Variants in PTPRN2 observed in about 807,000 individuals in gnomAD.
PTPRN2 encodes receptor-type tyrosine-protein phosphatase N2.
A neutral mutation model predicts 118.8 loss-of-function variants in PTPRN2; 74 were observed. The ratio of observed to expected loss-of-function variants is 0.62; its 90% CI spans 0.52 to 0.76. PTPRN2 has a LOEUF of 0.76. PTPRN2 is among the 30% of genes least tolerant of loss of function. The probability of loss-of-function intolerance (pLI) is 0.00; values close to 1 mark genes in which losing one functional copy is unlikely to be tolerated. For missense variants in PTPRN2, 1,481 were observed against 1,394.4 expected (o/e 1.06, Z -0.99); for synonymous variants, 641 against 608.0 (o/e 1.05, Z -0.80).
rs1018578073 is a variant in PTPRN2, at chr7:157,578,084, G to A, written c.2553C>T (p.Asn851=). The change falls in exon 18 of 23, where the codon AAC becomes AAT. Residue 851 remains asparagine (N), a synonymous_variant. Coordinates refer to ENST00000389418, the MANE Select transcript of PTPRN2 (RefSeq NM_002847.5). ...VIVMLTPLAE[N]GVRQCYHYWP... is the part of the protein sequence containing the mutation. ...AGTAGTGGTAGCACTGCCGGACGCCGTTCTCCGCGAGGGGTGTCAGCATGA... is the reference window on the plus strand; with the variant it reads ...AGTAGTGGTAGCACTGCCGGACGCCATTCTCCGCGAGGGGTGTCAGCATGA... 6.2e-7 allele frequency: 1 copy of A among 1,613,486 alleles called. No individual in the cohort carries two copies. Among genetic ancestry groups the A allele is most frequent in the Non-Finnish European group, 8.5e-7 (1 of 1,179,742 alleles).
intron 12 of PTPRN2, among the ~76,000 whole-genome samples, chr7:157,694,617 T>G (rs554504487): frequency 1.3e-5 from 2 of 152,370 alleles, no homozygotes; most frequent in Admixed American, 6.5e-5. Context: ...CATTCTATTT[T>G]TCTTTATTTT....
intron 12 of PTPRN2, among the ~76,000 whole-genome samples, chr7:157,822,291 C>A (rs1432871524): frequency 2.0e-5 from 3 of 151,658 alleles, no homozygotes; most frequent in Non-Finnish European, 1.5e-5. Flanking sequence ...ACTCATGCAT[C>A]CATCCACCCA....
At position 157,861,146 on chromosome 7, in the gene PTPRN2, G is replaced by A. The variant is rs1487930303; in HGVS notation, c.1788+37527C>T. Among the ~76,000 whole-genome samples the A allele has an allele frequency of 5.9e-5, 9 of 152,212 alleles. No homozygotes were observed. In the South Asian group the frequency reaches 1.9e-3, roughly 31 times the overall value. On this transcript the variant is annotated intron_variant, in intron 12 of 22. Transcript: ENST00000389418. This position sits in a 1 kb window ranked among gnomAD's most constrained non-coding sequence, Gnocchi z 5.8. ...TTGGGATGTCGGCAGAGGCACGCAT[G>A]CCTCCAGGGATGTGCCAGCTCAGGG...
chr7:158,466,774 C>T (rs926323225), intron 2 of PTPRN2, among the ~76,000 whole-genome samples: 29 of 152,200 alleles, frequency 1.9e-4, no homozygotes, highest in African/African-American at 7.0e-4. Flanking sequence ...GGTGCAGTGG[C>T]TCACGCCTGT....
intron 6 of PTPRN2, among the ~76,000 whole-genome samples, chr7:158,147,775 T>A (rs1237257555): frequency 1.1e-5 from 1 of 90,718 alleles, no homozygotes; most frequent in African/African-American, 5.7e-5. Context: ...TCACGCCACG[T>A]GTTATTCCCC....
At chr7:158,536,202 G>A (rs895765126) in intron 1 of PTPRN2, among the ~76,000 whole-genome samples, 4 of 152,136 alleles carry the variant, frequency 2.6e-5, no homozygotes, top group African/African-American at 9.7e-5. Context: ...TTTAAATTTT[G>A]CTGAAAATCA....
At chr7:158,335,671 A>T (rs1284987550) in intron 2 of PTPRN2, among the ~76,000 whole-genome samples, 1 of 15,524 alleles carries the variant, frequency 6.4e-5, no homozygotes, top group African/African-American at 1.9e-4. Context: ...AAGAGGTGAC[A>T]CATGCAAACG....
chr7:157,573,219 ATG>A (rs1485019203), intron 19 of PTPRN2, among the ~76,000 whole-genome samples: 2 of 152,268 alleles, frequency 1.3e-5, no homozygotes, highest in Non-Finnish European at 2.9e-5. Flanking sequence ...GACTGCACGC[ATG>A]TGTGTGACGT....
chr7:157,548,641 T>C (rs1216457505), intron 22 of PTPRN2, among the ~76,000 whole-genome samples: 1 of 152,142 alleles, frequency 6.6e-6, no homozygotes, highest in Non-Finnish European at 1.5e-5. Flanking sequence ...CGTCAACCTC[T>C]TTCTACAAAA....
rs1802360901 is a variant in PTPRN2 at position 157,611,825 on chromosome 7, A to G, written c.2345-7750T>C. Among the ~76,000 whole-genome samples, 1 of 147,216 alleles carries G rather than the reference A, an allele frequency of 6.8e-6. No individual in the cohort carries two copies. The highest frequency in any genetic ancestry group is 6.7e-5 in the Admixed American group (1 of 14,962). On this transcript the variant is annotated intron_variant, in intron 15 of 22. Coordinates refer to ENST00000389418, the MANE Select transcript of PTPRN2 (RefSeq NM_002847.5). This position sits in a 1 kb window ranked among gnomAD's most constrained non-coding sequence, Gnocchi z 5.9. Reference sequence around the variant, plus strand: ...AGAGCGCCCGTGTGAAGACGAAGACAGCCGCAGTCATGCTGGGGACACGCG... The same window carrying G: ...AGAGCGCCCGTGTGAAGACGAAGACGGCCGCAGTCATGCTGGGGACACGCG...
In PTPRN2 at chr7:157,933,045, G is replaced by A. The variant is rs117375918; in HGVS notation, c.1724-34308C>T. ...CATCCTGATTGACAGTTTTAGTGGC[G>A]GGGTGAGTCAGTCTGACTGGCATTT... is the stretch of plus-strand genomic sequence containing the variant. On this transcript the variant is annotated intron_variant, in intron 11 of 22. Coordinates refer to ENST00000389418, the MANE Select transcript of PTPRN2 (RefSeq NM_002847.5). Among the ~76,000 whole-genome samples, 1,459 of 149,456 alleles carry A rather than the reference G, an allele frequency of 9.8e-3. 11 individuals are homozygous for A. Among genetic ancestry groups the A allele is most frequent in the Non-Finnish European group, 0.016 (1,109 of 67,472 alleles).
chr7:158,405,537 A>C (rs1813338000), intron 2 of PTPRN2, among the ~76,000 whole-genome samples: 1 of 152,340 alleles, frequency 6.6e-6, no homozygotes, highest in Admixed American at 6.5e-5. Context: ...AACAACAAAC[A>C]AAGCCTCCGC....
At chr7:158,012,198 C>T (rs979551539) in intron 11 of PTPRN2, among the ~76,000 whole-genome samples, 2 of 152,134 alleles carry the variant, frequency 1.3e-5, no homozygotes, top group African/African-American at 4.8e-5. Context: ...CTGACACGTG[C>T]CTTTCGGAAG....
At chr7:158,082,190 T>A (rs146024434) in intron 10 of PTPRN2, among the ~76,000 whole-genome samples, 2 of 152,290 alleles carry the variant, frequency 1.3e-5, no homozygotes, top group Non-Finnish European at 2.9e-5. Context: ...CAGCTAAGAC[T>A]GTTGCTTCCT....
chr7:158,188,900 C>T (rs904797443), intron 5 of PTPRN2, among the ~76,000 whole-genome samples: 10 of 152,146 alleles, frequency 6.6e-5, no homozygotes, highest in Non-Finnish European at 2.9e-5. Context: ...GACGAGGCCA[C>T]GGGCCCTTTG....
chr7:158,058,271 G>T (rs13311715), intron 11 of PTPRN2, among the ~76,000 whole-genome samples: 4 of 74,242 alleles, frequency 5.4e-5, no homozygotes, highest in Admixed American at 1.5e-4. Context: ...CTGCAGCCAC[G>T]CCCCATCTGC....
intron 1 of PTPRN2, 113 bp downstream of exon 1, chr7:158,587,445 C>G (rs866301716): frequency 4.5e-6 from 2 of 443,100 alleles, no homozygotes; most frequent in Non-Finnish European, 5.5e-6. Flanking sequence ...CCTCTCCCCC[C>G]GACCCCTCAG....
intron 13 of PTPRN2, among the ~76,000 whole-genome samples, chr7:157,657,445 A>G (rs1376765635): frequency 7.3e-6 from 1 of 137,416 alleles, no homozygotes. Flanking sequence ...CACACACCAC[A>G]CACATCACAC....
intron 14 of PTPRN2, among the ~76,000 whole-genome samples, chr7:157,656,095 T>TTTTTTTTTTTTTTTTTTTTTTTTAG (rs1554515859): frequency 6.8e-6 from 1 of 147,118 alleles, no homozygotes; most frequent in African/African-American, 2.5e-5. Flanking sequence ...TGCTCACTCT[T>TTTTTTTTTTTTTTTTTTTTTTTTAG]ACACACCAGG....
Sources: gnomAD v4.1 joint callset for allele counts (sites outside exome capture counted in the v4.1 genomes callset) on GRCh38, gnomAD v4.1.1 for gene constraint, Gnocchi (gnomAD v3.1) non-coding constraint, MANE v1.5 for transcripts, NCBI Gene and HGNC (gene_info 2026-07-23, HGNC 2026-07-21) for gene names.